Variants in BMPR1B observed in about 807,000 individuals in gnomAD.
BMPR1B encodes the protein bone morphogenetic protein receptor type-1B.
BMPR1B carries 12 observed loss-of-function variants against 59.1 expected under a neutral mutation model. The ratio of observed to expected loss-of-function variants is 0.20; its 90% CI spans 0.13 to 0.33. The LOEUF (loss-of-function observed/expected upper bound fraction) is 0.33. Among genes scored for constraint, BMPR1B ranks in the 10% least tolerant of loss-of-function variants. BMPR1B has a pLI of 1.00. For missense variants in BMPR1B, 550 were observed against 610.9 expected (o/e 0.90, Z 1.05); for synonymous variants, 237 against 207.3 (o/e 1.14, Z -1.23).
At position 94,949,461 on chromosome 4, in the gene BMPR1B, C is replaced by T. The variant is rs1480382367; in HGVS notation, c.-112-46579C>T. On this transcript the variant is annotated intron_variant, in intron 2 of 12. Coordinates refer to ENST00000515059, the MANE Select transcript of BMPR1B (RefSeq NM_001203.3). ...CCTCCCGAGTAGCTGGGACTACAGG[C>T]GCCTGCCACCGCGCCCGGCTGATTT... Among the ~76,000 whole-genome samples the T allele has an allele frequency of 1.9e-5, 2 of 107,632 alleles. 1 individual carries two copies. The highest frequency in any genetic ancestry group is 4.0e-5 in the Non-Finnish European group (2 of 50,468). The allele number at this position is 107,632 out of a possible 152,430, so 70.6% of individuals were successfully genotyped here. A position where few individuals can be genotyped will look rare whatever the true frequency, so the allele number is the denominator to read the frequency against.
At chr4:95,085,037 A>G (rs544049560) in intron 3 of BMPR1B, among the ~76,000 whole-genome samples, 406 of 152,274 alleles carry the variant, frequency 2.7e-3, no homozygotes, top group Non-Finnish European at 4.5e-3. Flanking sequence ...ACATTTTGAT[A>G]TGAAGGCCTA....
chr4:94,946,880 A>G (rs1021654537), intron 2 of BMPR1B, among the ~76,000 whole-genome samples: 3 of 152,146 alleles, frequency 2.0e-5, no homozygotes, highest in East Asian at 1.9e-4. Flanking sequence ...GTGAAACCCC[A>G]TCTCTACCAA....
chr4:94,923,177 CCTT>C (rs1283672203), intron 2 of BMPR1B, among the ~76,000 whole-genome samples: 6 of 152,114 alleles, frequency 3.9e-5, no homozygotes, highest in South Asian at 2.1e-4. Flanking sequence ...TATAGAATGT[CCTT>C]CTCTTCATTT....
intron 3 of BMPR1B, among the ~76,000 whole-genome samples, chr4:95,030,234 G>A (rs1724731019): frequency 6.6e-6 from 1 of 152,136 alleles, no homozygotes; most frequent in Non-Finnish European, 1.5e-5. Flanking sequence ...TTCTTCTGTG[G>A]TTTTTATGGT....
chr4:94,967,780 G>A (rs751543337), intron 2 of BMPR1B, among the ~76,000 whole-genome samples: 1 of 152,166 alleles, frequency 6.6e-6, no homozygotes, highest in Non-Finnish European at 1.5e-5. Context: ...ACTGCGCCTG[G>A]CCTAGAATAG....
chr4:94,911,342 C>T (rs940575670), intron 2 of BMPR1B, among the ~76,000 whole-genome samples: 4 of 152,098 alleles, frequency 2.6e-5, no homozygotes, highest in African/African-American at 4.8e-5. Flanking sequence ...GAGAAGTGTG[C>T]TGCCAGGTGG....
chr4:94,821,948 A>G (rs1355763917), intron 1 of BMPR1B, among the ~76,000 whole-genome samples: 1 of 152,116 alleles, frequency 6.6e-6, no homozygotes, highest in Non-Finnish European at 1.5e-5. Context: ...CTGTGGTAAC[A>G]CTCATTGACT....
In BMPR1B at chr4:94,897,338, G is replaced by T. The variant is rs80203615; in HGVS notation, c.-113+21438G>T. Among the ~76,000 whole-genome samples the T allele has an allele frequency of 2.0e-4, 30 of 152,132 alleles. No homozygotes were observed. In the East Asian group the frequency reaches 5.1e-3, roughly 26 times the overall value. ...GTTATCTATTCCCGCGTGACTCATG[G>T]ATATTCAAAATCATTATAGATAATG... On this transcript the variant is annotated intron_variant, in intron 2 of 12. Transcript: ENST00000515059.
At chr4:94,784,759 C>T (rs1403404622) in intron 1 of BMPR1B, among the ~76,000 whole-genome samples, 1 of 152,148 alleles carries the variant, frequency 6.6e-6, no homozygotes, top group Non-Finnish European at 1.5e-5. Flanking sequence ...GCTTGTCCTA[C>T]TTCCTTTTTA....
intron 3 of BMPR1B, among the ~76,000 whole-genome samples, chr4:95,054,716 A>G (rs1337607897): frequency 6.6e-6 from 1 of 152,158 alleles, no homozygotes; most frequent in Non-Finnish European, 1.5e-5. Flanking sequence ...TTAAAACATC[A>G]TTTTGTTCAC....
chr4:94,951,394 A>G (rs1729929420), intron 2 of BMPR1B, among the ~76,000 whole-genome samples: 1 of 152,140 alleles, frequency 6.6e-6, no homozygotes, highest in Non-Finnish European at 1.5e-5. Context: ...ATTCAGTATG[A>G]TATTGGCTGT....
At chr4:94,800,045 G>T (rs1723348076) in intron 1 of BMPR1B, among the ~76,000 whole-genome samples, 1 of 152,148 alleles carries the variant, frequency 6.6e-6, no homozygotes, top group African/African-American at 2.4e-5. Context: ...TAGTATTTTT[G>T]ATTGGGACAA....
intron 2 of BMPR1B, among the ~76,000 whole-genome samples, chr4:94,966,626 TACTCA>T (rs1475665517): frequency 6.6e-6 from 1 of 152,226 alleles, no homozygotes; most frequent in African/African-American, 2.4e-5. Context: ...ATGAACTCTA[TACTCA>T]ACTCTGTGGA....
intron 3 of BMPR1B, among the ~76,000 whole-genome samples, chr4:95,007,656 C>T (rs892109556): frequency 1.3e-5 from 2 of 152,052 alleles, no homozygotes; most frequent in Non-Finnish European, 2.9e-5. Flanking sequence ...TTCTTTTCAC[C>T]TTGCTCCTTC....
rs578133519 is a variant in BMPR1B at position 94,794,337 on chromosome 4, G to A, written c.-183+36269G>A. ...AAAGATCAGATAGCTGCAGATATGT[G>A]GCGTTATTTCTGAGGGCTCTGTTCT... is the stretch of plus-strand genomic sequence containing the variant. On this transcript the variant is annotated intron_variant, in intron 1 of 12. Coordinates refer to ENST00000515059, the MANE Select transcript of BMPR1B (RefSeq NM_001203.3). Among the ~76,000 whole-genome samples the A allele has an allele frequency of 1.1e-3, 163 of 151,806 alleles. 1 individual carries two copies. The highest frequency in any genetic ancestry group is 3.7e-3 in the African/African-American group (153 of 41,262).
intron 3 of BMPR1B, among the ~76,000 whole-genome samples, chr4:95,028,111 G>A (rs985763042): frequency 6.6e-5 from 10 of 152,134 alleles, no homozygotes; most frequent in Non-Finnish European, 7.4e-5. Flanking sequence ...TTCACTCTGA[G>A]GGCTCATGCT....
At chr4:95,124,480 G>A (rs1040754809) in intron 7 of BMPR1B, among the ~76,000 whole-genome samples, 4 of 151,842 alleles carry the variant, frequency 2.6e-5, no homozygotes, top group Admixed American at 2.0e-4. Context: ...CAGATTAATT[G>A]ATTCAAATAA....
intron 1 of BMPR1B, among the ~76,000 whole-genome samples, chr4:94,819,691 C>G (rs910123264): frequency 2.6e-5 from 4 of 152,194 alleles, no homozygotes; most frequent in Admixed American, 1.3e-4. Context: ...ACCTTGCACT[C>G]TAATCTGAAC....
chr4:94,779,585 C>T (rs1011569279), intron 1 of BMPR1B, among the ~76,000 whole-genome samples: 2 of 152,132 alleles, frequency 1.3e-5, no homozygotes, highest in Non-Finnish European at 2.9e-5. Context: ...AATCCCAGCA[C>T]TTTGGGAGGC....
Sources: allele counts gnomAD v4.1 joint callset (sites outside exome capture counted in the v4.1 genomes callset), GRCh38; gene constraint gnomAD v4.1.1; transcripts MANE v1.5; gene names NCBI Gene and HGNC (gene_info 2026-07-23, HGNC 2026-07-21).